The following TP53I13 variants were observed in gnomAD, a reference collection of about 807,000 sequenced individuals.
The protein encoded by TP53I13 is tumor protein p53 inducible protein 13.
TP53I13 carries 27 observed loss-of-function variants against 39.1 expected under a neutral mutation model. The ratio of observed to expected loss-of-function variants is 0.69; its 90% CI spans 0.51 to 0.95. TP53I13 has a LOEUF of 0.95. Ranked by LOEUF, TP53I13 falls within the 40% of genes least tolerant of loss-of-function variation. The pLI, the probability that TP53I13 is intolerant of heterozygous loss-of-function variation, is 0.00. For synonymous variants in TP53I13, 230 were observed against 224.6 expected, an observed-to-expected ratio of 1.02 and a Z score of -0.22; for missense variants, 544 against 520.4, an observed-to-expected ratio of 1.05 and a Z score of -0.44.
At chr17:29,581,186 G>C in the TP53I13 span, 1 of 670,386 alleles carries the variant, frequency 1.5e-6, no homozygotes. The surrounding 1 kb of genome is among the most constrained non-coding windows in gnomAD (Gnocchi z 4.8). Flanking sequence ...TTGGGGCCCA[G>C]CATTAGGGAC....
chr17:29,572,613 C>G lies in TP53I13; in HGVS notation c.985C>G (p.Leu329Val), dbSNP rs748373560. 1.9e-6 allele frequency: 3 copies of G among 1,591,070 alleles called. No homozygotes were observed. Among genetic ancestry groups the G allele is most frequent in the South Asian group, 2.3e-5 (2 of 88,322 alleles). The change falls in exon 6 of 7, where the codon CTC (leucine) becomes GTC (valine). Residue 329 changes from leucine to valine, a missense_variant. Leu to Val is a conservative substitution (Grantham distance 32). Transcript: ENST00000301057. Reference sequence around the variant, plus strand: ...GCTGGTGCTGCTCACCCTGGCCACGCTCTGCACACGGCTGCACAGAAACTT... The same window carrying G: ...GCTGGTGCTGCTCACCCTGGCCACGGTCTGCACACGGCTGCACAGAAACTT... ...FLLVLLTLAT[L>V]CTRLHRNFRR...
chr17:29,574,666 G>A, downstream of TP53I13: 1 of 1,508,320 alleles, frequency 6.6e-7, no homozygotes, highest in Admixed American at 1.7e-5. Context: ...TGGCCAGTGA[G>A]GTCCTAGGGT....
downstream of TP53I13, chr17:29,576,686 G>A (rs374201129): frequency 3.1e-6 from 5 of 1,613,524 alleles, no homozygotes; most frequent in African/African-American, 5.3e-5. Flanking sequence ...TGCAGAGAGA[G>A]ACCTAAGCTG....
Position 29,572,042 on chromosome 17 carries a change from A to G in TP53I13, c.498A>G (p.Arg166=). ...EPTPGRGRLC[R]RGCVQALALA... ...CTCCCGGTAGAGGGAGGCTGTGCCG[A>G]AGAGGGTGTGTGCAGGTGAGAGACG... The change falls in exon 5 of 7, where the codon CGA becomes CGG. Residue 166 remains arginine (R), a synonymous_variant. Coordinates refer to ENST00000301057, the MANE Select transcript of TP53I13 (RefSeq NM_138349.4). The G allele has an allele frequency of 6.2e-7, 1 of 1,612,798 alleles. No homozygotes were observed.
chr17:29,572,453 A>G lies in TP53I13; in HGVS notation c.825A>G (p.Gln275=), dbSNP rs770926666. ...SRTEAQVPNG[Q]GSPGGCVCSS... ...CAGAGGCTCAGGTGCCCAACGGGCAAGGCAGCCCAGGGGGCTGTGTCTGTT... is the reference window on the plus strand; with the variant it reads ...CAGAGGCTCAGGTGCCCAACGGGCAGGGCAGCCCAGGGGGCTGTGTCTGTT... The change falls in exon 6 of 7, where the codon CAA becomes CAG. Residue 275 remains glutamine, a synonymous_variant. Transcript: ENST00000301057. 1.9e-6 allele frequency: 3 copies of G among 1,579,168 alleles called. No homozygotes were observed. Among genetic ancestry groups the G allele is most frequent in the Non-Finnish European group, 2.6e-6 (3 of 1,159,980 alleles).
At chr17:29,578,807 G>C in the TP53I13 span, 1 of 1,609,810 alleles carries the variant, frequency 6.2e-7, no homozygotes, top group Non-Finnish European at 8.5e-7. Flanking sequence ...TGGGAATTGG[G>C]AGGAGAGGAG....
downstream of TP53I13, chr17:29,577,600 G>A (rs369796708): frequency 6.8e-5 from 86 of 1,257,124 alleles, no homozygotes; most frequent in African/African-American, 1.0e-3. Flanking sequence ...GAGGGACCGC[G>A]GGGATGAAGT....
the TP53I13 span, chr17:29,581,465 G>A: frequency 1.9e-6 from 2 of 1,079,974 alleles, no homozygotes; most frequent in Admixed American, 3.4e-5. The surrounding 1 kb of genome is among the most constrained non-coding windows in gnomAD (Gnocchi z 4.8). Flanking sequence ...CATGAGCAGG[G>A]CTGGCACCCA....
At chr17:29,577,105 C>A, downstream of TP53I13, 1 of 1,608,634 alleles carries the variant, frequency 6.2e-7, no homozygotes, top group South Asian at 1.1e-5. Flanking sequence ...GCCCCGCCTG[C>A]TTCCCACACC....
At chr17:29,577,597 C>G, downstream of TP53I13, 1 of 1,213,128 alleles carries the variant, frequency 8.2e-7, no homozygotes, top group Non-Finnish European at 1.2e-6. Flanking sequence ...GAGGAGGGAC[C>G]GCGGGGATGA....
chr17:29,582,074 G>A, the TP53I13 span: 1 of 1,608,444 alleles, frequency 6.2e-7, no homozygotes, highest in Non-Finnish European at 8.5e-7. Context: ...GAAGAAGTTG[G>A]CCTGGGCACC....
chr17:29,572,314 G>A lies in TP53I13; in HGVS notation c.686G>A (p.Ser229Asn). 6.2e-7 allele frequency: 1 copy of A among 1,612,782 alleles called. No homozygotes were observed. Among genetic ancestry groups the A allele is most frequent in the Non-Finnish European group, 8.5e-7 (1 of 1,179,838 alleles). The change falls in exon 6 of 7, where the codon AGC (serine) becomes AAC (asparagine). Residue 229 changes from serine to asparagine, a missense_variant. By Grantham distance (46) the Ser-to-Asn change is conservative (BLOSUM62 1). Transcript: ENST00000301057. ...AGGTTTCCCTCTGCTTCCCCAGGGA[G>A]CTTGAAGGCCAAGCAGTCCATGGCG... ...ALRFPSASPG[S>N]LKAKQSMAGI...
the TP53I13 span, chr17:29,582,207 G>A: frequency 1.6e-6 from 2 of 1,274,080 alleles, no homozygotes; most frequent in Admixed American, 2.0e-5. Context: ...CCACCCACAA[G>A]CTGCACCCTG....
chr17:29,577,583 G>T, downstream of TP53I13: 1 of 1,083,124 alleles, frequency 9.2e-7, no homozygotes, highest in Non-Finnish European at 1.4e-6. Flanking sequence ...GCCCACTGCC[G>T]GATGAGGAGG....
upstream of TP53I13, chr17:29,566,547 CA>C (rs201971667): frequency 9.0e-3 from 14,461 of 1,610,310 alleles, 77 homozygotes; most frequent in Non-Finnish European, 0.011. Context: ...AAGGTCCTAC[CA>C]CCCAGTCCAG....
At position 29,572,132 on chromosome 17, in the gene TP53I13, C is replaced by A; in HGVS notation, c.514-10C>A. 6.2e-7 allele frequency: 1 copy of A among 1,609,448 alleles called. No individual in the cohort carries two copies. Among genetic ancestry groups the A allele is most frequent in the Non-Finnish European group, 8.5e-7 (1 of 1,177,472 alleles). On this transcript the variant is annotated splice_polypyrimidine_tract_variant and intron_variant, in intron 5 of 6. Transcript: ENST00000301057. ...GGCAGCAGGGTGATTGCTCTCTCTC[C>A]TCTCCTTAGGCCCTGGCTCTGGCCT...
At chr17:29,574,922 G>C (rs779535073), downstream of TP53I13, 2 of 1,552,044 alleles carry the variant, frequency 1.3e-6, no homozygotes, top group South Asian at 1.2e-5. Flanking sequence ...CCTCTGGAGG[G>C]GGCAGGAGTG....
chr17:29,575,737 T>C (rs1286457102), downstream of TP53I13: 1 of 1,611,276 alleles, frequency 6.2e-7, no homozygotes, highest in South Asian at 1.1e-5. This position sits in a 1 kb window ranked among gnomAD's most constrained non-coding sequence, Gnocchi z 5.5. Flanking sequence ...GTGAGCGCCG[T>C]GTTCCTGGAC....
chr17:29,575,926 G>C, downstream of TP53I13: 1 of 1,581,728 alleles, frequency 6.3e-7, no homozygotes, highest in Non-Finnish European at 8.6e-7. The surrounding 1 kb of genome is among the most constrained non-coding windows in gnomAD (Gnocchi z 5.5). Context: ...GCTGGATGGA[G>C]TCAGTGTGCC....
Sources: gnomAD v4.1 joint callset for allele counts on GRCh38, gnomAD v4.1.1 for gene constraint, Gnocchi (gnomAD v3.1) non-coding constraint, MANE v1.5 for transcripts, NCBI Gene and HGNC (gene_info 2026-07-23, HGNC 2026-07-21) for gene names.